ESR1: variants seen among roughly 807,000 people sequenced by gnomAD.
The protein encoded by ESR1 is estrogen receptor.
A neutral mutation model predicts 52.7 loss-of-function variants in ESR1; 12 were observed. The observed-to-expected ratio is 0.23, with a 90% confidence interval of 0.15 to 0.37. ESR1 has a LOEUF of 0.37. Among genes scored for constraint, ESR1 ranks in the 10% least tolerant of loss-of-function variants. ESR1 has a pLI of 1.00. For missense variants in ESR1, 584 were observed against 779.7 expected, an observed-to-expected ratio of 0.75 and a Z score of 2.99; for synonymous variants, 305 against 316.8, an observed-to-expected ratio of 0.96 and a Z score of 0.39.
At chr6:151,978,386 C>T (rs1338910607) in intron 4 of ESR1, among the ~76,000 whole-genome samples, 2 of 151,634 alleles carry the variant, frequency 1.3e-5, no homozygotes, top group African/African-American at 2.4e-5. Context: ...GAACAGTGTA[C>T]GAAGGTGTAA....
chr6:151,944,428 A>G lies in ESR1; in HGVS notation c.1016A>G (p.Glu339Gly), dbSNP rs1200193731. Residue 339 changes from glutamate (E) to glycine (G), a missense_variant, in exon 4 of 8, where the codon GAA (glutamate) becomes GGA (glycine). This residue lies in a region of ESR1 where 141 missense variants were observed against 289.3 expected (regional missense o/e 0.49). Transcript: ENST00000206249. ...TATGATCCTACCAGACCCTTCAGTG[A>G]AGCTTCGATGATGGGCTTACTGACC... ...SEYDPTRPFS[E>G]ASMMGLLTNL... 1 of 1,614,218 alleles carries G rather than the reference A, an allele frequency of 6.2e-7. No homozygotes were observed. The highest frequency in any genetic ancestry group is 1.1e-5 in the South Asian group (1 of 91,088).
chr6:151,744,460 T>C (rs544839706), intron 2 of ESR1, among the ~76,000 whole-genome samples: 185 of 152,330 alleles, frequency 1.2e-3, no homozygotes, highest in African/African-American at 4.3e-3. Context: ...TGCATTTCCC[T>C]AATGATAAAT....
intron 1 of ESR1, among the ~76,000 whole-genome samples, chr6:151,668,275 C>A (rs1777899648): frequency 7.1e-6 from 1 of 141,742 alleles, no homozygotes; most frequent in Non-Finnish European, 1.6e-5. Flanking sequence ...AGAGGAAAAA[C>A]CCTTTTTTTT....
chr6:152,094,269 A>G lies in ESR1; in HGVS notation c.1370-116A>G. Reference sequence around the variant, plus strand: ...ATGGGTCCAGAGCATCCCCATTGCTAGACTACTGTGCTGAGGAAGGGCACT... The same window carrying G: ...ATGGGTCCAGAGCATCCCCATTGCTGGACTACTGTGCTGAGGAAGGGCACT... On this transcript the variant is annotated intron_variant, in intron 6 of 7. Coordinates refer to ENST00000206249, the MANE Select transcript of ESR1 (RefSeq NM_000125.4). This position sits in a 1 kb window ranked among gnomAD's most constrained non-coding sequence, Gnocchi z 4.6. 1.1e-6 allele frequency: 1 copy of G among 885,250 alleles called. No individual in the cohort carries two copies. The highest frequency in any genetic ancestry group is 1.9e-6 in the Non-Finnish European group (1 of 519,732). The allele number at this position is 885,250 out of a possible 1,614,324, so 54.8% of individuals were successfully genotyped here. A position where few individuals can be genotyped will look rare whatever the true frequency, so the allele number is the denominator to read the frequency against.
intron 6 of ESR1, among the ~76,000 whole-genome samples, chr6:152,116,806 A>ATACTG (rs1483882624): frequency 6.6e-6 from 1 of 152,018 alleles, no homozygotes; most frequent in Non-Finnish European, 1.5e-5. Context: ...ATTATACTAC[A>ATACTG]TACTGCTATA....
At chr6:152,057,737 T>A (rs1299385791) in intron 5 of ESR1, among the ~76,000 whole-genome samples, 1 of 148,090 alleles carries the variant, frequency 6.8e-6, no homozygotes, top group African/African-American at 2.5e-5. Context: ...ACGTGAGAAC[T>A]GAATTGAGAG....
At chr6:151,861,288 A>C (rs911906067) in intron 2 of ESR1, among the ~76,000 whole-genome samples, 2 of 152,232 alleles carry the variant, frequency 1.3e-5, no homozygotes, top group African/African-American at 4.8e-5. Context: ...GCTAAATTTC[A>C]TAATAACCTT....
chr6:152,046,638 A>C (rs915189303), intron 5 of ESR1, among the ~76,000 whole-genome samples: 2 of 152,214 alleles, frequency 1.3e-5, no homozygotes, highest in African/African-American at 2.4e-5. Context: ...AGAATGAAAG[A>C]GACAAAAGAA....
chr6:151,744,378 C>T (rs562442173), intron 2 of ESR1, among the ~76,000 whole-genome samples: 19 of 152,272 alleles, frequency 1.2e-4, no homozygotes, highest in African/African-American at 3.9e-4. Context: ...ACATCCTCAC[C>T]GACATTTGTT....
intron 2 of ESR1, among the ~76,000 whole-genome samples, chr6:151,702,871 G>A (rs1322853736): frequency 1.6e-4 from 25 of 152,218 alleles, no homozygotes; most frequent in Admixed American, 1.4e-3. Context: ...GAGAGGCTGT[G>A]TATCTATGCA....
intron 1 of ESR1, among the ~76,000 whole-genome samples, chr6:151,701,668 A>G (rs2115424084): frequency 6.6e-6 from 1 of 152,216 alleles, no homozygotes; most frequent in East Asian, 1.9e-4. Flanking sequence ...CTTAAGCCCT[A>G]CTCAGCTTTG....
chr6:152,069,763 C>G (rs1040668105), intron 6 of ESR1, among the ~76,000 whole-genome samples: 2 of 136,918 alleles, frequency 1.5e-5, no homozygotes, highest in Non-Finnish European at 3.0e-5. Context: ...AGAGCTCAGG[C>G]AGTAATGCTT....
Position 152,061,798 on chromosome 6 carries a change from A to G in ESR1, c.1369+674A>G, listed in dbSNP as rs756901223. ...TCAATGTAGTGAGGCTGGCTGTTGT[A>G]TAAAGAGTTACTCTATGTCACCAAG... On this transcript the variant is annotated intron_variant, in intron 6 of 7. Coordinates refer to ENST00000206249, the MANE Select transcript of ESR1 (RefSeq NM_000125.4). The surrounding 1 kb of genome is among the most constrained non-coding windows in gnomAD (Gnocchi z 4.3). Among the ~76,000 whole-genome samples the G allele has an allele frequency of 1.3e-5, 2 of 152,160 alleles. No individual in the cohort carries two copies. Among genetic ancestry groups the G allele is most frequent in the Non-Finnish European group, 2.9e-5 (2 of 68,028 alleles).
chr6:151,661,339 C>G (rs761456700), intron 1 of ESR1, among the ~76,000 whole-genome samples: 85 of 152,138 alleles, frequency 5.6e-4, no homozygotes, highest in Non-Finnish European at 9.8e-4. Context: ...ACCAGGGTGT[C>G]CAGATGAGAG....
At chr6:151,968,909 G>A (rs549099797) in intron 4 of ESR1, among the ~76,000 whole-genome samples, 39 of 152,130 alleles carry the variant, frequency 2.6e-4, no homozygotes, top group East Asian at 2.5e-3. Context: ...CCCTCTTTCC[G>A]TCTGTGGTAA....
intron 1 of ESR1, among the ~76,000 whole-genome samples, chr6:151,671,507 A>G (rs1778057921): frequency 2.0e-5 from 3 of 152,162 alleles, no homozygotes; most frequent in Non-Finnish European, 4.4e-5. Flanking sequence ...AGAGAGGAGA[A>G]TGGTGGGTTG....
intron 2 of ESR1, among the ~76,000 whole-genome samples, chr6:151,849,490 A>G (rs1330569289): frequency 6.6e-6 from 1 of 152,082 alleles, no homozygotes; most frequent in African/African-American, 2.4e-5. Flanking sequence ...CTAAAAATAC[A>G]AAAATTAGCC....
chr6:151,753,970 C>T (rs1234961172), intron 2 of ESR1, among the ~76,000 whole-genome samples: 3 of 152,052 alleles, frequency 2.0e-5, no homozygotes, highest in Non-Finnish European at 4.4e-5. Context: ...AAGATAAAAT[C>T]GACTATGATG....
chr6:151,974,629 C>G (rs75301713), intron 4 of ESR1, among the ~76,000 whole-genome samples: 2,581 of 152,294 alleles, frequency 0.017, 54 homozygotes, highest in Non-Finnish European at 0.028. Context: ...CCCTCCCAAC[C>G]TTAGAGATTG....
Sources: allele counts gnomAD v4.1 joint callset (sites outside exome capture counted in the v4.1 genomes callset), GRCh38; gene constraint gnomAD v4.1.1; regional missense constraint gnomAD v4.1.1; non-coding constraint Gnocchi (gnomAD v3.1); transcripts MANE v1.5; gene names NCBI Gene and HGNC (gene_info 2026-07-23, HGNC 2026-07-21).